Variants in CYP4A11 observed in about 807,000 individuals in gnomAD.
CYP4A11 encodes cytochrome P450 4A11.
Under a neutral mutation model 57.7 loss-of-function variants are expected in CYP4A11, and 52 were observed. That is an observed-to-expected ratio of 0.90 (90% CI 0.72 to 1.14). The LOEUF (loss-of-function observed/expected upper bound fraction) is 1.14, where lower values mean the gene tolerates loss of function less well. Ranked by LOEUF, CYP4A11 falls within the 50% of genes most tolerant of loss-of-function variation. CYP4A11 has a pLI of 0.00. For synonymous variants in CYP4A11, 228 were observed against 247.1 expected (o/e 0.92, Z 0.72); for missense variants, 641 against 642.1 (o/e 1.00, Z 0.02).
chr1:46,935,409 A>T, intron 5 of CYP4A11, 114 bp downstream of exon 5: 1 of 1,516,602 alleles, frequency 6.6e-7, no homozygotes, highest in Non-Finnish European at 8.8e-7. Flanking sequence ...TTGGTCAGGG[A>T]CTGACTCTTC....
chr1:46,937,313 G>A lies in CYP4A11; in HGVS notation c.371C>T (p.Ala124Val). Residue 124 changes from alanine (A) to valine (V), a missense_variant, in exon 3 of 12, where the codon GCT becomes GTT. Transcript: ENST00000310638. ...GTTTGCACACATACCAATCCATGGA[G>A]CCAGGAATCTGTAGGAACCATGGGA... ...PKSHGSYRFLAPWIGYGLLLL... is the reference protein window; with the variant it reads ...PKSHGSYRFLVPWIGYGLLLL... 1 of 1,614,120 alleles carries A rather than the reference G, an allele frequency of 6.2e-7. No individual in the cohort carries two copies. Among genetic ancestry groups the A allele is most frequent in the South Asian group, 1.1e-5 (1 of 91,064 alleles).
intron 5 of CYP4A11, 42 bp from the exon 6 acceptor site, chr1:46,935,196 C>A (rs753758860): frequency 1.3e-6 from 2 of 1,588,838 alleles, no homozygotes; most frequent in Admixed American, 3.4e-5. Flanking sequence ...AGGGGTGGGC[C>A]CATTACCCGG....
At position 46,931,012 on chromosome 1, in the gene CYP4A11, A is replaced by T. The variant is rs547342409; in HGVS notation, c.1365-702T>A. 1.2e-4 allele frequency among the ~76,000 whole-genome samples: 19 copies of T among 152,238 alleles called. No homozygotes were observed. The South Asian group carries it at 1.9e-3, about 15-fold the overall frequency. ...TTTATGGTTTTCTGCTTCCCCTCCC[A>T]GCACACTGAAGCCACAGCCCAGCTC... is the stretch of plus-strand genomic sequence containing the variant. On this transcript the variant is annotated intron_variant, in intron 11 of 11. Transcript: ENST00000310638.
In CYP4A11 at chr1:46,933,002, T is replaced by G. The variant is rs550368607; in HGVS notation, c.1268A>C (p.Lys423Thr). ...LSIYGLHHNP[K>T]VWPNPEVFDP... ...ACATACCTCTGGGTTGGGCCACACT[T>G]TTGGGTTGTGGTGAAGGCCATAAAT... The change falls in exon 10 of 12, where the codon AAA becomes ACA. Residue 423 changes from lysine (K) to threonine (T), a missense_variant. Physicochemically the swap from Lys to Thr is moderately conservative, Grantham distance 78. Coordinates refer to ENST00000310638, the MANE Select transcript of CYP4A11 (RefSeq NM_000778.4). 6 of 1,614,066 alleles carry G rather than the reference T, an allele frequency of 3.7e-6. No homozygotes were observed. The Admixed American group carries it at 8.3e-5, about 22-fold the overall frequency.
At position 46,930,832 on chromosome 1, in the gene CYP4A11, C is replaced by T. The variant is rs1298617394; in HGVS notation, c.1365-522G>A. On this transcript the variant is annotated intron_variant, in intron 11 of 11. Transcript: ENST00000310638. ...CAGTGGGAGGCTTCCTGGAGGAGAA[C>T]TGGGTGGGTGATCCTCAGTGTTGCC... 3.3e-5 allele frequency among the ~76,000 whole-genome samples: 5 copies of T among 152,108 alleles called. No individual in the cohort carries two copies. The East Asian group carries it at 7.7e-4, about 24-fold the overall frequency.
rs1219086647 is a variant in CYP4A11 at position 46,934,283 on chromosome 1, G to T, written c.981C>A (p.Ala327=). Residue 327 remains alanine (A), a synonymous_variant, in exon 8 of 12, where the codon GCC becomes GCA. Coordinates refer to ENST00000310638, the MANE Select transcript of CYP4A11 (RefSeq NM_000778.4). ...TFMFEGHDTT[A]SGISWILYAL... ...CATAGAGGATCCAGGAGATCCCACTGGCTGTGGTGTCGTGGCCCTCAAACA... is the reference window on the plus strand; with the variant it reads ...CATAGAGGATCCAGGAGATCCCACTTGCTGTGGTGTCGTGGCCCTCAAACA... 1 of 1,612,400 alleles carries T rather than the reference G, an allele frequency of 6.2e-7. No homozygotes were observed. Among genetic ancestry groups the T allele is most frequent in the African/African-American group, 1.3e-5 (1 of 74,574 alleles).
At chr1:46,930,720 C>G (rs758330895) in intron 11 of CYP4A11, among the ~76,000 whole-genome samples, 4 of 152,204 alleles carry the variant, frequency 2.6e-5, no homozygotes, top group Non-Finnish European at 4.4e-5. Context: ...GTGGGCCACA[C>G]TCTCAGGTGC....
At position 46,935,079 on chromosome 1, in the gene CYP4A11, G is replaced by T; in HGVS notation, c.711C>A (p.His237Gln). Reference sequence around the variant, plus strand: ...TCAGGCTGTAGATGGTGTCATTCTGGTGAAAGGCATTCCTCACACGGGAAA... The same window carrying T: ...TCAGGCTGTAGATGGTGTCATTCTGTTGAAAGGCATTCCTCACACGGGAAA... ...LVFSRVRNAF[H>Q]QNDTIYSLTS... The change falls in exon 6 of 12, where the codon CAC becomes CAA. Residue 237 changes from histidine to glutamine, a missense_variant. Physicochemically the swap from His to Gln is conservative, Grantham distance 24. Transcript: ENST00000310638. 1 of 1,614,174 alleles carries T rather than the reference G, an allele frequency of 6.2e-7. No individual in the cohort carries two copies. The highest frequency in any genetic ancestry group is 8.5e-7 in the Non-Finnish European group (1 of 1,180,036).
In CYP4A11 at chr1:46,937,798, C is replaced by A. The variant is rs190202989; in HGVS notation, c.337+198G>T. On this transcript the variant is annotated intron_variant, in intron 2 of 11. Transcript: ENST00000310638. ...ATAGAAAAAAGAATAGAAAATTCAG[C>A]CCCACATATTGTTTTAAACATTCGG... 3.6e-4 allele frequency among the ~76,000 whole-genome samples: 55 copies of A among 152,236 alleles called. No homozygotes were observed. The East Asian group carries it at 0.01, about 29-fold the overall frequency.
At chr1:46,933,773 A>C in intron 9 of CYP4A11, 173 bp downstream of exon 9, 1 of 1,171,320 alleles carries the variant, frequency 8.5e-7, no homozygotes, top group East Asian at 2.6e-5. Flanking sequence ...GGTGGGTTCA[A>C]GCTCTCAGCC....
chr1:46,934,998 A>C lies in CYP4A11; in HGVS notation c.790+2T>G, dbSNP rs1203855468. Reference sequence around the variant, plus strand: ...CTGGGAGACAAGAGGAAAAGACAGAACCTGTGTGCTGATGGGCCAGCTGGC... The same window carrying C: ...CTGGGAGACAAGAGGAAAAGACAGACCCTGTGTGCTGATGGGCCAGCTGGC... On this transcript the variant is annotated splice_donor_variant, in intron 6 of 11. Coordinates refer to ENST00000310638, the MANE Select transcript of CYP4A11 (RefSeq NM_000778.4). LOFTEE classifies it high-confidence loss of function. The C allele has an allele frequency of 1.2e-6, 2 of 1,613,194 alleles. No homozygotes were observed. Among genetic ancestry groups the C allele is most frequent in the Non-Finnish European group, 1.7e-6 (2 of 1,179,534 alleles).
rs1295098461 is a variant in CYP4A11, at chr1:46,930,274, C to T, written c.1401G>A (p.Leu467=). The T allele has an allele frequency of 5.0e-6, 8 of 1,613,612 alleles. No individual in the cohort carries two copies. Among genetic ancestry groups the T allele is most frequent in the Non-Finnish European group, 6.8e-6 (8 of 1,179,842 alleles). ...CIGKQFAMNE[L]KVATALTLLR... ...GCAGGGTCAGGGCCGTGGCCACCTT[C>T]AGCTCGTTCATGGCAAATTGTTTCC... The change falls in exon 12 of 12, where the codon CTG becomes CTA. Residue 467 remains leucine, a synonymous_variant. Transcript: ENST00000310638.
chr1:46,930,187 C>T lies in CYP4A11; in HGVS notation c.1488G>A (p.Leu496=). 6.2e-7 allele frequency: 1 copy of T among 1,614,012 alleles called. No individual in the cohort carries two copies. The highest frequency in any genetic ancestry group is 8.5e-7 in the Non-Finnish European group (1 of 1,179,956). The change falls in exon 12 of 12, where the codon TTG becomes TTA. Residue 496 remains leucine (L), a synonymous_variant. Transcript: ENST00000310638. ...GCAGGTGGATTCCATTTTTGGATTT[C>T]AACACAAGTCGTGCAATGGGGATGG... ...RIPIPIARLV[L]KSKNGIHLRL...
chr1:46,932,602 C>T (rs1433126820), intron 11 of CYP4A11, 159 bp downstream of exon 11: 6 of 1,534,564 alleles, frequency 3.9e-6, no homozygotes, highest in Middle Eastern at 2.1e-4. Flanking sequence ...CTTTTGTACA[C>T]AGAGACGCCC....
intron 5 of CYP4A11, 21 bp downstream of exon 5, chr1:46,935,502 A>T: frequency 6.3e-7 from 1 of 1,599,308 alleles, no homozygotes. Flanking sequence ...AGGGCCCTGC[A>T]GCTGGAGGGT....
At chr1:46,934,959 G>A in intron 6 of CYP4A11, 41 bp downstream of exon 6, 3 of 1,601,196 alleles carry the variant, frequency 1.9e-6, no homozygotes, top group Non-Finnish European at 2.6e-6. Flanking sequence ...TTCTTTCGCT[G>A]TGCCTGGGAA....
rs184627653 is a variant in CYP4A11, at chr1:46,940,380, G to A, written c.195+859C>T. On this transcript the variant is annotated intron_variant, in intron 1 of 11. Transcript: ENST00000310638. ...TCCTGAGCTACATGCAGCCCCATGGGGCGTGGGTTGGACAAGCTTGCTCTA... is the reference window on the plus strand; with the variant it reads ...TCCTGAGCTACATGCAGCCCCATGGAGCGTGGGTTGGACAAGCTTGCTCTA... Among the ~76,000 whole-genome samples, 81 of 152,300 alleles carry A rather than the reference G, an allele frequency of 5.3e-4. No homozygotes were observed. In the South Asian group the frequency reaches 7.7e-3, roughly 14 times the overall value.
chr1:46,932,842 A>G lies in CYP4A11; in HGVS notation c.1288-5T>C. On this transcript the variant is annotated splice_region_variant and splice_polypyrimidine_tract_variant and intron_variant, in intron 10 of 11. Transcript: ENST00000310638. ...AAAACGGAAAGGGTCAAACACCTGC[A>G]GAGAGAGCACCAGAGCCAGGATAGT... is the stretch of plus-strand genomic sequence containing the variant. The G allele has an allele frequency of 6.2e-7, 1 of 1,614,232 alleles. No individual in the cohort carries two copies. The highest frequency in any genetic ancestry group is 8.5e-7 in the Non-Finnish European group (1 of 1,180,026).
Position 46,938,120 on chromosome 1 carries a change from C to T in CYP4A11, c.213G>A (p.Glu71=). The part of the protein sequence containing the change: ...GHIQELQQDQ[E]LQRIQKWVET... ...CCACCCATTTCTGAATCCGTTGTAG[C>T]TCCTGGTCCTGTTGGAGCTGTCAAC... The change falls in exon 2 of 12, where the codon GAG becomes GAA. Residue 71 remains glutamate (E), a synonymous_variant. Transcript: ENST00000310638. 6.2e-7 allele frequency: 1 copy of T among 1,614,234 alleles called. No homozygotes were observed. Among genetic ancestry groups the T allele is most frequent in the African/African-American group, 1.3e-5 (1 of 75,052 alleles).
Sources: gnomAD v4.1 joint callset for allele counts (sites outside exome capture counted in the v4.1 genomes callset) on GRCh38, gnomAD v4.1.1 for gene constraint, MANE v1.5 for transcripts, NCBI Gene and HGNC (gene_info 2026-07-23, HGNC 2026-07-21) for gene names.